The following KPNA4 variants were observed in gnomAD, a reference collection of about 807,000 sequenced individuals.
KPNA4 encodes importin subunit alpha-3.
In KPNA4, 13 loss-of-function variants were observed where a neutral mutation model predicts 71.3. The ratio of observed to expected loss-of-function variants is 0.18; its 90% confidence interval spans 0.12 to 0.29. The LOEUF is 0.29. Ranked by LOEUF, KPNA4 falls within the 10% of genes least tolerant of loss-of-function variation. The probability of loss-of-function intolerance (pLI) is 1.00; values close to 1 mark genes in which losing one functional copy is unlikely to be tolerated. For missense variants in KPNA4, 334 were observed against 603.2 expected (o/e 0.55, Z 4.67); for synonymous variants, 189 against 195.2 (o/e 0.97, Z 0.26).
At chr3:160,535,980 A>T in intron 2 of KPNA4, 83 bp from the exon 3 acceptor site, 1 of 1,040,800 alleles carries the variant, frequency 9.6e-7, no homozygotes, top group Non-Finnish European at 1.2e-6. Context: ...TACAAAGCTC[A>T]GGCAATCCTG....
chr3:160,520,766 GATGTTCAGGCATA>G (rs1721331234), intron 11 of KPNA4, among the ~76,000 whole-genome samples: 1 of 152,114 alleles, frequency 6.6e-6, no homozygotes, highest in African/African-American at 2.4e-5. Context: ...AGTTTATTTT[GATGTTCAGGCATA>G]ATGACTTAGG....
At chr3:160,564,132 T>C (rs1218109108) in intron 1 of KPNA4, 1 of 152,138 alleles carries the variant, frequency 6.6e-6, no homozygotes, top group Non-Finnish European at 1.5e-5. Context: ...ATTAAATCTA[T>C]TTATCTAAAC....
chr3:160,554,340 G>T lies in KPNA4; in HGVS notation c.69+10874C>A, dbSNP rs112633559. Among the ~76,000 whole-genome samples the T allele has an allele frequency of 4.0e-3, 615 of 152,210 alleles. 6 individuals carry two copies. Among genetic ancestry groups the T allele is most frequent in the African/African-American group, 0.014 (568 of 41,524 alleles). ...ATGACTTTCAACATCACAAAAATCAGCCCCATACCCACTAGCAATCATTCC... is the reference window on the plus strand; with the variant it reads ...ATGACTTTCAACATCACAAAAATCATCCCCATACCCACTAGCAATCATTCC... On this transcript the variant is annotated intron_variant, in intron 1 of 16. Coordinates refer to ENST00000334256, the MANE Select transcript of KPNA4 (RefSeq NM_002268.5).
Position 160,565,541 on chromosome 3 carries a change from G to T in KPNA4, c.-259C>A, listed in dbSNP as rs1051271945. 1 of 537,210 alleles carries T rather than the reference G, an allele frequency of 1.9e-6. No individual in the cohort carries two copies. The highest frequency in any genetic ancestry group is 3.3e-6 in the Non-Finnish European group (1 of 306,644). 33.3% of individuals were successfully genotyped at this position (537,210 alleles called of 1,614,324 possible). On this transcript the variant is annotated 5_prime_UTR_variant, in exon 1 of 17. Transcript: ENST00000334256. ...CGGCGGCAAGGCGACGGAATGTGCT[G>T]CCGGCTGAGAGGGGGAGGCAGCCTC...
rs967110514 is a variant in KPNA4 at position 160,531,373 on chromosome 3, TCTTTA to T, written c.383+84_383+88del. 3 of 651,190 alleles carry T rather than the reference TCTTTA, an allele frequency of 4.6e-6. No individual in the cohort carries two copies. The East Asian group carries it at 9.5e-5, about 21-fold the overall frequency. 40.3% of individuals were successfully genotyped at this position (651,190 alleles called of 1,614,324 possible). ...TCCATCCCATAGCCCTTTTCTTCTT[TCTTTA>T]AAGATCAAACTAATTACTAGAGTCT... On this transcript the variant is annotated intron_variant, in intron 6 of 16. Transcript: ENST00000334256.
chr3:160,556,487 ATTTG>A (rs1159857967), intron 1 of KPNA4, among the ~76,000 whole-genome samples: 1 of 152,010 alleles, frequency 6.6e-6, no homozygotes, highest in African/African-American at 2.4e-5. Flanking sequence ...CCTATTTTTT[ATTTG>A]TTTATTGGTC....
At chr3:160,564,922 C>T (rs1419560214) in intron 1 of KPNA4, among the ~76,000 whole-genome samples, 1 of 146,502 alleles carries the variant, frequency 6.8e-6, no homozygotes, top group Non-Finnish European at 1.5e-5. Context: ...GCGCCGCGCC[C>T]GGCCTCCCCG....
At chr3:160,509,534 C>T (rs1392021547) in intron 14 of KPNA4, among the ~76,000 whole-genome samples, 1 of 152,102 alleles carries the variant, frequency 6.6e-6, no homozygotes, top group Non-Finnish European at 1.5e-5. Flanking sequence ...CAAGGTGATA[C>T]TTCTATGTGA....
intron 1 of KPNA4, among the ~76,000 whole-genome samples, chr3:160,555,406 T>C (rs1020167830): frequency 6.6e-6 from 1 of 152,222 alleles, no homozygotes; most frequent in Non-Finnish European, 1.5e-5. Flanking sequence ...CCCCCTTATC[T>C]GCACAGGGTG....
Position 160,541,434 on chromosome 3 carries a change from A to G in KPNA4, c.70-4594T>C, listed in dbSNP as rs1355878050. 8.5e-5 allele frequency among the ~76,000 whole-genome samples: 13 copies of G among 152,188 alleles called. No homozygotes were observed. In the South Asian group the frequency reaches 2.7e-3, roughly 32 times the overall value. ...TGATACCTTGGGAAGGTTAATACTT[A>G]GGTAACAGCACTACCAAAAAAAAAA... is the stretch of plus-strand genomic sequence containing the variant. On this transcript the variant is annotated intron_variant, in intron 1 of 16. Coordinates refer to ENST00000334256, the MANE Select transcript of KPNA4 (RefSeq NM_002268.5).
At chr3:160,528,317 C>CTTAA (rs1721501115) in intron 7 of KPNA4, among the ~76,000 whole-genome samples, 1 of 151,564 alleles carries the variant, frequency 6.6e-6, no homozygotes, top group Admixed American at 6.6e-5. Context: ...AGATTAATTC[C>CTTAA]TTATAGATTA....
intron 12 of KPNA4, among the ~76,000 whole-genome samples, chr3:160,514,458 C>A (rs1490158106): frequency 5.9e-5 from 9 of 152,134 alleles, no homozygotes; most frequent in Admixed American, 5.9e-4. Flanking sequence ...CTTGGCTGAA[C>A]AAATTTGAAT....
intron 5 of KPNA4, among the ~76,000 whole-genome samples, chr3:160,534,750 A>G (rs1258118981): frequency 6.6e-6 from 1 of 150,880 alleles, no homozygotes; most frequent in African/African-American, 2.4e-5. Context: ...TGTTCAAACA[A>G]CTTGGTATTT....
In KPNA4 at chr3:160,501,112, T is replaced by C. The variant is rs1245954644; in HGVS notation, c.*992A>G. 1.3e-5 allele frequency: 2 copies of C among 152,362 alleles called. No individual in the cohort carries two copies. The highest frequency in any genetic ancestry group is 6.6e-5 in the Admixed American group (1 of 15,232). 9.4% of individuals were successfully genotyped at this position (152,362 alleles called of 1,614,324 possible). A position where few individuals can be genotyped will look rare whatever the true frequency, so the allele number is the denominator to read the frequency against. On this transcript the variant is annotated 3_prime_UTR_variant, in exon 17 of 17. Coordinates refer to ENST00000334256, the MANE Select transcript of KPNA4 (RefSeq NM_002268.5). ...CACAGTCTATTTTGAGGGAAATTTA[T>C]GATTTTTTTCATGCAAAAATCTACA...
At chr3:160,532,575 C>CT (rs1398319835) in intron 5 of KPNA4, among the ~76,000 whole-genome samples, 2 of 152,178 alleles carry the variant, frequency 1.3e-5, no homozygotes, top group African/African-American at 2.4e-5. Flanking sequence ...AACCTAGTGT[C>CT]TATTTTCACA....
At chr3:160,509,111 C>A (rs902599892) in intron 14 of KPNA4, among the ~76,000 whole-genome samples, 5 of 152,130 alleles carry the variant, frequency 3.3e-5, no homozygotes, top group Admixed American at 1.3e-4. Context: ...ACAGATCTAA[C>A]CTCTTTAAAA....
intron 1 of KPNA4, among the ~76,000 whole-genome samples, chr3:160,538,293 G>A (rs1577057877): frequency 6.6e-6 from 1 of 151,808 alleles, no homozygotes; most frequent in East Asian, 1.9e-4. Flanking sequence ...ACATTAAATG[G>A]GATCTAGCAG....
At chr3:160,511,220 C>T (rs1403337445) in intron 13 of KPNA4, among the ~76,000 whole-genome samples, 1 of 152,176 alleles carries the variant, frequency 6.6e-6, no homozygotes, top group African/African-American at 2.4e-5. Context: ...ATTCTCCTAC[C>T]TCAGCCTCTC....
chr3:160,515,236 A>G, intron 12 of KPNA4: 1 of 613,726 alleles, frequency 1.6e-6, no homozygotes, highest in Non-Finnish European at 3.1e-6. Context: ...CATCATTTCC[A>G]AGAGAGCCAA....
Sources: gnomAD v4.1 joint callset for allele counts (sites outside exome capture counted in the v4.1 genomes callset) on GRCh38, gnomAD v4.1.1 for gene constraint, MANE v1.5 for transcripts, NCBI Gene and HGNC (gene_info 2026-07-23, HGNC 2026-07-21) for gene names.